The following ZNF316 variants were observed in gnomAD, a reference collection of about 807,000 sequenced individuals.
ZNF316 encodes the protein zinc finger protein 316.
A neutral mutation model predicts 75.6 loss-of-function variants in ZNF316; 23 were observed. The ratio of observed to expected loss-of-function variants is 0.30; its 90% CI spans 0.22 to 0.43. The LOEUF is 0.43. Ranked by LOEUF, ZNF316 falls within the 20% of genes least tolerant of loss-of-function variation. The pLI is 1.00. For missense variants in ZNF316, 1,266 were observed against 1,409.4 expected, an observed-to-expected ratio of 0.90 and a Z score of 1.63; for synonymous variants, 827 against 666.2, an observed-to-expected ratio of 1.24 and a Z score of -3.72.
intron 8 of ZNF316, among the ~76,000 whole-genome samples, chr7:6,652,100 G>A (rs1779517060): frequency 6.6e-6 from 1 of 152,202 alleles, no homozygotes; most frequent in African/African-American, 2.4e-5. Context: ...TGGGGGCGGC[G>A]GCTTTCCTGC....
chr7:6,654,679 C>A lies in ZNF316; in HGVS notation c.*68C>A, dbSNP rs1427254582. 3.5e-6 allele frequency: 4 copies of A among 1,131,854 alleles called. No individual in the cohort carries two copies. The highest frequency in any genetic ancestry group is 4.3e-6 in the Non-Finnish European group (4 of 920,268). 70.1% of individuals were successfully genotyped at this position (1,131,854 alleles called of 1,614,324 possible). A position where few individuals can be genotyped will look rare whatever the true frequency, so the allele number is the denominator to read the frequency against. ...CCCCTCCCTTGGACGGCCGGCCCCC[C>A]GCTCCTCGGGCCCCGGGAGGCTGAG... On this transcript the variant is annotated 3_prime_UTR_variant, in exon 9 of 9. Transcript: ENST00000382252.
Position 6,654,869 on chromosome 7 carries a change from A to C in ZNF316, c.*258A>C. On this transcript the variant is annotated 3_prime_UTR_variant, in exon 9 of 9. Transcript: ENST00000382252. ...ACGTCACCCCCACGGAGACTGCGAT[A>C]TCCCCTGGGTGGGCCCGGGCTGTGA... The C allele has an allele frequency of 3.8e-6, 1 of 263,952 alleles. No individual in the cohort carries two copies. Among genetic ancestry groups the C allele is most frequent in the Non-Finnish European group, 7.1e-6 (1 of 140,238 alleles). 16.4% of individuals were successfully genotyped at this position (263,952 alleles called of 1,614,324 possible). A position where few individuals can be genotyped will look rare whatever the true frequency, so the allele number is the denominator to read the frequency against.
Position 6,642,724 on chromosome 7 carries a change from C to T in ZNF316, c.315C>T (p.Ser105=). Residue 105 remains serine, a synonymous_variant, in exon 5 of 9, where the codon AGC becomes AGT. Coordinates refer to ENST00000382252, the MANE Select transcript of ZNF316 (RefSeq NM_001278559.2). The surrounding 1 kb of genome is among the most constrained non-coding windows in gnomAD (Gnocchi z 8.1). ...CPALGTQERL[S]RGGDAKSPVL... Reference sequence around the variant, plus strand: ...CGTTGGGGACCCAGGAGCGACTTAGCCGTGGTGGTGATGCCAAGTCCCCAG... The same window carrying T: ...CGTTGGGGACCCAGGAGCGACTTAGTCGTGGTGGTGATGCCAAGTCCCCAG... 1 of 1,233,642 alleles carries T rather than the reference C, an allele frequency of 8.1e-7. No individual in the cohort carries two copies. Among genetic ancestry groups the T allele is most frequent in the Non-Finnish European group, 1.0e-6 (1 of 989,060 alleles). The allele number at this position is 1,233,642 out of a possible 1,614,324, so 76.4% of individuals were successfully genotyped here.
chr7:6,648,950 C>G (rs1038402596), intron 8 of ZNF316, among the ~76,000 whole-genome samples: 1 of 152,138 alleles, frequency 6.6e-6, no homozygotes, highest in Non-Finnish European at 1.5e-5. Context: ...GTGGGGGGAT[C>G]GTTCCTGTGA....
At position 6,652,892 on chromosome 7, in the gene ZNF316, C is replaced by T; in HGVS notation, c.1296C>T (p.Ala432=). The T allele has an allele frequency of 2.4e-6, 3 of 1,239,592 alleles. No individual in the cohort carries two copies. The highest frequency in any genetic ancestry group is 3.0e-6 in the Non-Finnish European group (3 of 991,200). The allele number at this position is 1,239,592 out of a possible 1,614,324, so 76.8% of individuals were successfully genotyped here. The change falls in exon 9 of 9, where the codon GCC becomes GCT. Residue 432 remains alanine (A), a synonymous_variant. Coordinates refer to ENST00000382252, the MANE Select transcript of ZNF316 (RefSeq NM_001278559.2). ...IHTGERPYRC[A]FCGAGFGRRS... Reference sequence around the variant, plus strand: ...CTGGCGAGCGGCCCTACCGCTGCGCCTTCTGCGGCGCGGGCTTCGGGCGCC... The same window carrying T: ...CTGGCGAGCGGCCCTACCGCTGCGCTTTCTGCGGCGCGGGCTTCGGGCGCC...
At chr7:6,644,828 T>A (rs1779371256) in intron 8 of ZNF316, among the ~76,000 whole-genome samples, 1 of 152,206 alleles carries the variant, frequency 6.6e-6, no homozygotes, top group Non-Finnish European at 1.5e-5. Context: ...CTGCCCTGCG[T>A]TGGAGCCTGT....
chr7:6,653,266 AGGAGGCGGC>A lies in ZNF316; in HGVS notation c.1673_1681del (p.Glu558_Ala560del), dbSNP rs1398879745. On this transcript the variant is annotated inframe_deletion, in exon 9 of 9. Coordinates refer to ENST00000382252, the MANE Select transcript of ZNF316 (RefSeq NM_001278559.2). ...GCGGAGGCCGCGGCCGAGGAGAGAG[AGGAGGCGGC>A]GGTGGCGGCGCCCACCCCCAGCGGC... 1.1e-5 allele frequency: 13 copies of A among 1,227,292 alleles called. No individual in the cohort carries two copies. In the East Asian group the frequency reaches 3.5e-4, roughly 33 times the overall value. The allele number at this position is 1,227,292 out of a possible 1,614,324, so 76.0% of individuals were successfully genotyped here.
chr7:6,653,088 G>A lies in ZNF316; in HGVS notation c.1492G>A (p.Ala498Thr), dbSNP rs999557439. The change falls in exon 9 of 9, where the codon GCC becomes ACC. Residue 498 changes from alanine to threonine, a missense_variant. Physicochemically the swap from Ala to Thr is moderately conservative, Grantham distance 58. Transcript: ENST00000382252. ...CTGCGGCCAGGCCTTCCGCCTGCGC[G>A]CCGACTTCCAGCGCCACCGACGCGG... The part of the protein sequence containing the change: ...PDCGQAFRLR[A>T]DFQRHRRGGG... The A allele has an allele frequency of 1.4e-5, 17 of 1,196,660 alleles. No individual in the cohort carries two copies. The Admixed American group carries it at 4.5e-4, about 31-fold the overall frequency. The allele number at this position is 1,196,660 out of a possible 1,614,324, so 74.1% of individuals were successfully genotyped here.
rs933880174 is a variant in ZNF316, at chr7:6,654,404, G to C, written c.2808G>C (p.Thr936=). ...CGCACTTGCTCACCCACATGAAGAC[G>C]CACCGCGGAGCCACCGCAGCGCCGG... is the stretch of plus-strand genomic sequence containing the variant. ...QSSHLLTHMK[T]HRGATAAPGS... is the part of the protein sequence containing the mutation. Residue 936 remains threonine (T), a synonymous_variant, in exon 9 of 9, where the codon ACG becomes ACC. Coordinates refer to ENST00000382252, the MANE Select transcript of ZNF316 (RefSeq NM_001278559.2). 13 of 1,213,402 alleles carry C rather than the reference G, an allele frequency of 1.1e-5. No individual in the cohort carries two copies. The African/African-American group carries it at 1.6e-4, about 15-fold the overall frequency. 75.2% of individuals were successfully genotyped at this position (1,213,402 alleles called of 1,614,324 possible). A position where few individuals can be genotyped will look rare whatever the true frequency, so the allele number is the denominator to read the frequency against.
Position 6,652,850 on chromosome 7 carries a change from G to A in ZNF316, c.1254G>A (p.Thr418=), listed in dbSNP as rs1393365556. ...TCGTCTACAAGTCGCACCTGGTTAC[G>A]CACCGACGCATCCATACTGGCGAGC... ...KRFVYKSHLV[T]HRRIHTGERP... is the part of the protein sequence containing the mutation. Residue 418 remains threonine (T), a synonymous_variant, in exon 9 of 9, where the codon ACG becomes ACA. Coordinates refer to ENST00000382252, the MANE Select transcript of ZNF316 (RefSeq NM_001278559.2). The A allele has an allele frequency of 8.0e-6, 10 of 1,248,826 alleles. No homozygotes were observed. The highest frequency in any genetic ancestry group is 1.0e-5 in the Non-Finnish European group (10 of 996,082). 77.4% of individuals were successfully genotyped at this position (1,248,826 alleles called of 1,614,324 possible).
At chr7:6,652,110 C>T (rs189510906) in intron 8 of ZNF316, among the ~76,000 whole-genome samples, 193 bp from the exon 9 acceptor site, 2 of 152,294 alleles carry the variant, frequency 1.3e-5, no homozygotes, top group Admixed American at 6.5e-5. Context: ...GGCTTTCCTG[C>T]CTTGCGGCTG....
rs545450644 is a variant in ZNF316, at chr7:6,639,860, C to G, written c.-167+719C>G. ...CCTCCTGGAGGTGGCTAGCATAACA[C>G]GCAGCACGTGGATTTCGACACTTTG... On this transcript the variant is annotated intron_variant, in intron 3 of 8. Coordinates refer to ENST00000382252, the MANE Select transcript of ZNF316 (RefSeq NM_001278559.2). This position sits in a 1 kb window ranked among gnomAD's most constrained non-coding sequence, Gnocchi z 4.2. Among the ~76,000 whole-genome samples the G allele has an allele frequency of 6.6e-6, 1 of 152,186 alleles. No individual in the cohort carries two copies. The highest frequency in any genetic ancestry group is 1.5e-5 in the Non-Finnish European group (1 of 68,028).
intron 8 of ZNF316, among the ~76,000 whole-genome samples, chr7:6,644,944 T>C (rs1227061935): frequency 1.3e-5 from 2 of 152,222 alleles, no homozygotes; most frequent in African/African-American, 2.4e-5. Context: ...GGCACAGTGC[T>C]AGCCGTTCCT....
intron 8 of ZNF316, among the ~76,000 whole-genome samples, chr7:6,645,679 G>C (rs1341045031): frequency 7.0e-6 from 1 of 142,088 alleles, no homozygotes; most frequent in African/African-American, 2.6e-5. Flanking sequence ...GTGGGCCTCT[G>C]TCTCAAAAAT....
Position 6,643,846 on chromosome 7 carries a change from G to T in ZNF316, c.490G>T (p.Ala164Ser). 1 of 1,238,392 alleles carries T rather than the reference G, an allele frequency of 8.1e-7. No individual in the cohort carries two copies. The highest frequency in any genetic ancestry group is 1.0e-6 in the Non-Finnish European group (1 of 991,968). The allele number at this position is 1,238,392 out of a possible 1,614,324, so 76.7% of individuals were successfully genotyped here. The change falls in exon 7 of 9, where the codon GCT becomes TCT. Residue 164 changes from alanine (A) to serine (S), a missense_variant. By Grantham distance (99) the Ala-to-Ser change is moderately conservative. Transcript: ENST00000382252. ...CQELVTFEDV[A>S]VYFSLEEWER... ...GGAGCTGGTGACGTTTGAAGATGTG[G>T]CTGTGTACTTCTCCCTGGAGGAGTG...
At chr7:6,646,380 C>T (rs188850794) in intron 8 of ZNF316, among the ~76,000 whole-genome samples, 49 of 152,302 alleles carry the variant, frequency 3.2e-4, no homozygotes, top group Admixed American at 1.0e-3. Flanking sequence ...CTGCGGGGCC[C>T]GTCCCTCAGC....
intron 8 of ZNF316, among the ~76,000 whole-genome samples, chr7:6,647,575 T>A (rs566698832): frequency 6.6e-5 from 10 of 152,324 alleles, no homozygotes; most frequent in Non-Finnish European, 1.3e-4. Flanking sequence ...CGGAACTGAC[T>A]TCCACAGCCT....
At position 6,657,399 on chromosome 7, in the gene ZNF316, C is replaced by A. The variant is rs1434111909; in HGVS notation, c.*2788C>A. ...ACTTGGGAGGCTGAGGTGGGAGGAT[C>A]GCCTGAGACCAGAAATTCAAGGCCA... On this transcript the variant is annotated 3_prime_UTR_variant, in exon 9 of 9. Coordinates refer to ENST00000382252, the MANE Select transcript of ZNF316 (RefSeq NM_001278559.2). 1.3e-5 allele frequency among the ~76,000 whole-genome samples: 2 copies of A among 150,736 alleles called. No homozygotes were observed. Among genetic ancestry groups the A allele is most frequent in the African/African-American group, 2.4e-5 (1 of 40,982 alleles).
In ZNF316 at chr7:6,639,883, T is replaced by C. The variant is rs974147376; in HGVS notation, c.-167+742T>C. On this transcript the variant is annotated intron_variant, in intron 3 of 8. Transcript: ENST00000382252. The surrounding 1 kb of genome is among the most constrained non-coding windows in gnomAD (Gnocchi z 4.2). ...CACGCAGCACGTGGATTTCGACACT[T>C]TGGGCATCTTCACACGCCAAAGAGC... 4.6e-5 allele frequency among the ~76,000 whole-genome samples: 7 copies of C among 152,142 alleles called. No homozygotes were observed. The highest frequency in any genetic ancestry group is 7.4e-5 in the Non-Finnish European group (5 of 68,014).
Sources: gnomAD v4.1 joint callset for allele counts (sites outside exome capture counted in the v4.1 genomes callset) on GRCh38, gnomAD v4.1.1 for gene constraint, Gnocchi (gnomAD v3.1) non-coding constraint, MANE v1.5 for transcripts, NCBI Gene and HGNC (gene_info 2026-07-23, HGNC 2026-07-21) for gene names.